RBFOX1: variants seen among roughly 807,000 people sequenced by gnomAD.
RBFOX1 encodes the protein RNA binding protein fox-1 homolog 1.
In RBFOX1, 8 loss-of-function variants were observed where a neutral mutation model predicts 57.7. The ratio of observed to expected loss-of-function variants is 0.14; its 90% CI spans 0.08 to 0.25. The LOEUF is 0.25. Among genes scored for constraint, RBFOX1 ranks in the 10% least tolerant of loss-of-function variants. The pLI, the probability that RBFOX1 is intolerant of heterozygous loss-of-function variation, is 1.00. For missense variants in RBFOX1, 611 were observed against 548.5 expected (o/e 1.11, Z -1.14); for synonymous variants, 326 against 222.4 (o/e 1.47, Z -4.15).
At chr16:5,977,055 C>T (rs768887002) in intron 4 of RBFOX1, among the ~76,000 whole-genome samples, 14 of 152,128 alleles carry the variant, frequency 9.2e-5, no homozygotes, top group Non-Finnish European at 2.9e-5. Context: ...CACAGGGCAT[C>T]AGAATCTCCT....
intron 4 of RBFOX1, among the ~76,000 whole-genome samples, chr16:7,354,279 A>G (rs1258547438): frequency 6.6e-6 from 1 of 152,182 alleles, no homozygotes; most frequent in Non-Finnish European, 1.5e-5. Flanking sequence ...CCCGAATTGT[A>G]TATTTTAAAG....
At chr16:6,213,770 C>T (rs112830494) in intron 1 of RBFOX1, among the ~76,000 whole-genome samples, 288 of 152,294 alleles carry the variant, frequency 1.9e-3, no homozygotes, top group African/African-American at 5.2e-3. Flanking sequence ...TGAGCGAAAG[C>T]GCATTCACCA....
chr16:6,457,567 A>G (rs1597513096), intron 2 of RBFOX1, among the ~76,000 whole-genome samples: 2 of 151,832 alleles, frequency 1.3e-5, no homozygotes, highest in East Asian at 1.9e-4. Context: ...AGCTCCCATC[A>G]CCATTCCTGC....
intron 1 of RBFOX1, among the ~76,000 whole-genome samples, chr16:6,130,755 A>C (rs1175409575): frequency 2.0e-5 from 3 of 152,170 alleles, no homozygotes; most frequent in Non-Finnish European, 4.4e-5. Context: ...CTTCAGGGGA[A>C]GAAGTATTAG....
chr16:7,089,558 G>A (rs987644224), intron 4 of RBFOX1, among the ~76,000 whole-genome samples: 2 of 152,026 alleles, frequency 1.3e-5, no homozygotes, highest in African/African-American at 4.8e-5. Flanking sequence ...AGGCTGTGGT[G>A]AGTTGGTTGC....
At chr16:6,930,636 C>G (rs369137983) in intron 3 of RBFOX1, among the ~76,000 whole-genome samples, 1 of 152,152 alleles carries the variant, frequency 6.6e-6, no homozygotes, top group South Asian at 2.1e-4. Context: ...TCTTGAGCTC[C>G]TCACCTTAGG....
intron 3 of RBFOX1, among the ~76,000 whole-genome samples, chr16:6,993,484 C>T (rs754774131): frequency 3.0e-4 from 46 of 152,206 alleles, no homozygotes; most frequent in Admixed American, 2.0e-4. Context: ...GGAAAGCCAT[C>T]CTGTTGCATT....
intron 4 of RBFOX1, among the ~76,000 whole-genome samples, chr16:5,897,202 A>C (rs1174815766): frequency 4.7e-5 from 7 of 147,748 alleles, no homozygotes; most frequent in Non-Finnish European, 9.0e-5. Context: ...CGCCCGGCTA[A>C]TTTTTTCTAT....
intron 3 of RBFOX1, among the ~76,000 whole-genome samples, chr16:6,958,224 C>G (rs1380672610): frequency 6.6e-6 from 1 of 152,208 alleles, no homozygotes; most frequent in Non-Finnish European, 1.5e-5. Context: ...GCTTGGCCGT[C>G]TTTGCTGAGC....
chr16:6,372,057 G>T (rs1355265269), intron 2 of RBFOX1, among the ~76,000 whole-genome samples: 5 of 152,206 alleles, frequency 3.3e-5, no homozygotes, highest in Non-Finnish European at 5.9e-5. Flanking sequence ...TGAAAGGATG[G>T]TTGGTTAGGA....
Position 5,968,853 on chromosome 16 carries a change from T to G in RBFOX1, c.351+101518T>G, listed in dbSNP as rs540304784. Among the ~76,000 whole-genome samples, 79 of 152,268 alleles carry G rather than the reference T, an allele frequency of 5.2e-4. 1 individual carries two copies. Among genetic ancestry groups the G allele is most frequent in the African/African-American group, 1.8e-3 (75 of 41,582 alleles). ...ACTCTTATCTCTATTTTACCCATCT[T>G]TAAAATGTGCTACGTACTCTTGAAT... On this transcript the variant is annotated intron_variant, in intron 4 of 19. Coordinates refer to the RBFOX1 transcript ENST00000641259.
chr16:7,365,774 A>T, intron 4 of RBFOX1, among the ~76,000 whole-genome samples: 1 of 152,252 alleles, frequency 6.6e-6, no homozygotes, highest in East Asian at 1.9e-4. Context: ...AACACAACTC[A>T]AGTCAGTGTA....
At chr16:7,313,200 C>G (rs904237688) in intron 4 of RBFOX1, among the ~76,000 whole-genome samples, 1 of 152,220 alleles carries the variant, frequency 6.6e-6, no homozygotes, top group African/African-American at 2.4e-5. Context: ...TCTGCTTAAA[C>G]TCGTTGACAG....
At chr16:7,353,767 A>G (rs1048348388) in intron 4 of RBFOX1, among the ~76,000 whole-genome samples, 16 of 152,180 alleles carry the variant, frequency 1.1e-4, no homozygotes, top group African/African-American at 3.9e-4. Flanking sequence ...AACCTATAGT[A>G]GCTTAAAGTA....
At chr16:7,540,564 A>C (rs1262700877) in intron 5 of RBFOX1, among the ~76,000 whole-genome samples, 1 of 152,256 alleles carries the variant, frequency 6.6e-6, no homozygotes, top group Non-Finnish European at 1.5e-5. Flanking sequence ...TTTATACAAC[A>C]CATCTGATGA....
At chr16:5,648,618 A>G (rs1297777163) in intron 3 of RBFOX1, among the ~76,000 whole-genome samples, 1 of 152,140 alleles carries the variant, frequency 6.6e-6, no homozygotes, top group East Asian at 1.9e-4. Context: ...GAATGATCTT[A>G]CCCAACACGT....
At chr16:7,442,726 G>A (rs1389903833) in intron 4 of RBFOX1, among the ~76,000 whole-genome samples, 1 of 152,176 alleles carries the variant, frequency 6.6e-6, no homozygotes, top group Non-Finnish European at 1.5e-5. Context: ...TGTCCGTCTT[G>A]TCAACCGGAA....
chr16:6,128,474 C>G (rs539534149), intron 1 of RBFOX1, among the ~76,000 whole-genome samples: 2 of 152,110 alleles, frequency 1.3e-5, no homozygotes, highest in African/African-American at 2.4e-5. Flanking sequence ...AAGGGAGACA[C>G]CTAAGGTGAG....
At chr16:6,811,527 C>T (rs1353768767) in intron 3 of RBFOX1, among the ~76,000 whole-genome samples, 3 of 152,112 alleles carry the variant, frequency 2.0e-5, no homozygotes, top group Non-Finnish European at 2.9e-5. Flanking sequence ...CCTCAGACCA[C>T]AGTTAAAAAG....
Sources: allele counts gnomAD v4.1 joint callset (sites outside exome capture counted in the v4.1 genomes callset), GRCh38; gene constraint gnomAD v4.1.1; transcripts MANE v1.5; gene names NCBI Gene and HGNC (gene_info 2026-07-23, HGNC 2026-07-21).